The following TUNAR variants were observed in gnomAD, a reference collection of about 807,000 sequenced individuals.
The protein encoded by TUNAR is protein TUNAR.
chr14:95,902,738 C>T (rs563286163), intron 2 of TUNAR, among the ~76,000 whole-genome samples: 53 of 152,284 alleles, frequency 3.5e-4, no homozygotes, highest in Non-Finnish European at 6.9e-4. Flanking sequence ...CTATTTGAAC[C>T]TCTCAGCATG....
intron 2 of TUNAR, among the ~76,000 whole-genome samples, chr14:95,906,170 A>C (rs1889423991): frequency 6.6e-6 from 1 of 152,152 alleles, no homozygotes; most frequent in Non-Finnish European, 1.5e-5. Context: ...ATTTTATTGG[A>C]GAATGGCATA....
At chr14:95,887,287 T>G (rs1021297033) in intron 2 of TUNAR, among the ~76,000 whole-genome samples, 1 of 152,206 alleles carries the variant, frequency 6.6e-6, no homozygotes, top group African/African-American at 2.4e-5. Flanking sequence ...GGGGTGAACC[T>G]TGCTTGGCAC....
At chr14:95,878,705 T>G (rs957825375) in intron 2 of TUNAR, among the ~76,000 whole-genome samples, 3 of 152,102 alleles carry the variant, frequency 2.0e-5, no homozygotes, top group African/African-American at 2.4e-5. Context: ...CCAAAAGAGG[T>G]GAAGCTCGAG....
At chr14:95,900,629 A>G (rs1957131) in intron 2 of TUNAR, among the ~76,000 whole-genome samples, 42,816 of 152,188 alleles carry the variant, frequency 0.28, 8,426 homozygotes, top group African/African-American at 0.55. Context: ...TGAGCCAGCC[A>G]GGGCAGGAGG....
chr14:95,903,913 G>A (rs892352374), intron 2 of TUNAR, among the ~76,000 whole-genome samples: 1 of 152,192 alleles, frequency 6.6e-6, no homozygotes, highest in Non-Finnish European at 1.5e-5. Context: ...CAGGGGAGTT[G>A]GATACTGGCA....
chr14:95,910,540 C>T (rs374889198), intron 2 of TUNAR, among the ~76,000 whole-genome samples: 1 of 152,210 alleles, frequency 6.6e-6, no homozygotes, highest in South Asian at 2.1e-4. Flanking sequence ...AACATCTTGG[C>T]AATTAGGGAG....
intron 2 of TUNAR, among the ~76,000 whole-genome samples, chr14:95,878,194 C>G (rs1195297012): frequency 6.6e-6 from 1 of 152,264 alleles, no homozygotes; most frequent in Non-Finnish European, 1.5e-5. Flanking sequence ...CACTTCTGAG[C>G]CCCAAAGAAA....
chr14:95,921,539 T>G (rs1889696856), intron 2 of TUNAR, among the ~76,000 whole-genome samples: 1 of 152,250 alleles, frequency 6.6e-6, no homozygotes. Flanking sequence ...TTATTTTGAT[T>G]ATTGCAATAC....
At chr14:95,882,555 TG>T (rs1263082908) in intron 2 of TUNAR, among the ~76,000 whole-genome samples, 1 of 152,230 alleles carries the variant, frequency 6.6e-6, no homozygotes, top group Non-Finnish European at 1.5e-5. Context: ...AAGTCCTTCG[TG>T]GTGGCTAAGA....
chr14:95,923,057 G>A (rs1889723515), exon 3 of TUNAR: 2 of 398,362 alleles, frequency 5.0e-6, no homozygotes, highest in South Asian at 2.6e-4. Context: ...GCGAGAACAA[G>A]CAGGCTTGAC....
At chr14:95,908,729 G>A (rs1483572954) in intron 2 of TUNAR, among the ~76,000 whole-genome samples, 1 of 152,318 alleles carries the variant, frequency 6.6e-6, no homozygotes, top group East Asian at 1.9e-4. Flanking sequence ...GGAACCATAA[G>A]AGGCCTTGGC....
intron 2 of TUNAR, among the ~76,000 whole-genome samples, chr14:95,883,143 G>A (rs547686529): frequency 4.8e-4 from 73 of 152,322 alleles, no homozygotes; most frequent in African/African-American, 1.7e-3. Context: ...TGAAAAGGAG[G>A]AGTGGAAAAA....
Position 95,896,779 on chromosome 14 carries a change from G to A in TUNAR, c.12+19602G>A, listed in dbSNP as rs189804072. 1.7e-4 allele frequency among the ~76,000 whole-genome samples: 26 copies of A among 152,216 alleles called. No homozygotes were observed. In the East Asian group the frequency reaches 4.2e-3, roughly 25 times the overall value. ...ACACTTTGTTATGTTGATATCATGC[G>A]GCAGCAGAGTACTCTGCAGTTTGCA... On this transcript the variant is annotated intron_variant, in intron 2 of 2. Coordinates refer to ENST00000678517, the Ensembl canonical transcript of TUNAR.
Position 95,922,780 on chromosome 14 carries a change from G to A in TUNAR, c.13-1G>A, listed in dbSNP as rs1437532806. On this transcript the variant is annotated splice_acceptor_variant, in intron 2 of 2. Transcript: ENST00000678517. LOFTEE classifies it high-confidence loss of function. ...TTTGTGCTGCCTCTTTCCAATTACA[G>A]GTTAGCCTGGCAAGGAAGATAAAGA... The A allele has an allele frequency of 2.5e-6, 1 of 398,864 alleles. No individual in the cohort carries two copies. The highest frequency in any genetic ancestry group is 4.4e-5 in the Admixed American group (1 of 22,704). The allele number at this position is 398,864 out of a possible 1,614,324, so 24.7% of individuals were successfully genotyped here.
chr14:95,889,781 G>T (rs557023764), intron 2 of TUNAR, among the ~76,000 whole-genome samples: 2 of 152,216 alleles, frequency 1.3e-5, no homozygotes, highest in South Asian at 4.2e-4. Context: ...CTGTGCACCT[G>T]CAGGGGTGGT....
intron 2 of TUNAR, 44 bp from the exon 2 acceptor site, chr14:95,922,737 G>A: frequency 2.5e-6 from 1 of 398,346 alleles, no homozygotes; most frequent in Non-Finnish European, 4.4e-6. Flanking sequence ...TGGAGGGCAT[G>A]CTTATAAATG....
At chr14:95,888,815 G>T (rs2139655371) in intron 2 of TUNAR, among the ~76,000 whole-genome samples, 1 of 152,210 alleles carries the variant, frequency 6.6e-6, no homozygotes, top group South Asian at 2.1e-4. Flanking sequence ...GATGGGGGGG[G>T]CAGTTAGACT....
At position 95,904,844 on chromosome 14, in the gene TUNAR, G is replaced by A. The variant is rs376239083; in HGVS notation, c.13-17937G>A. Among the ~76,000 whole-genome samples the A allele has an allele frequency of 5.9e-5, 9 of 152,336 alleles. 1 individual carries two copies. Among genetic ancestry groups the A allele is most frequent in the East Asian group, 3.9e-4 (2 of 5,190 alleles). ...GTTTATATCCTCTTCCCCTCAGGAC[G>A]CTAGCCCTGGCTGAGGACCTGCGCA... On this transcript the variant is annotated intron_variant, in intron 2 of 2. Transcript: ENST00000678517.
intron 2 of TUNAR, among the ~76,000 whole-genome samples, chr14:95,888,206 A>G (rs1889108881): frequency 6.6e-6 from 1 of 152,232 alleles, no homozygotes. Flanking sequence ...AATTAATGGT[A>G]ATCCCAGCTT....
Sources: allele counts gnomAD v4.1 joint callset (sites outside exome capture counted in the v4.1 genomes callset), GRCh38; gene constraint gnomAD v4.1.1; transcripts MANE v1.5; gene names NCBI Gene and HGNC (gene_info 2026-07-23, HGNC 2026-07-21).